The following HDAC9 variants were observed in gnomAD, a reference collection of about 807,000 sequenced individuals.
HDAC9 encodes the protein MEF-2 interacting transcription repressor (MITR) protein.
HDAC9 carries 41 observed loss-of-function variants against 139.4 expected under a neutral mutation model. The observed-to-expected ratio is 0.29, with a 90% CI of 0.23 to 0.38. The LOEUF (loss-of-function observed/expected upper bound fraction) is 0.38. HDAC9 is among the 10% of genes least tolerant of loss of function. HDAC9 has a pLI of 1.00. For synonymous variants in HDAC9, 517 were observed against 476.2 expected (o/e 1.09, Z -1.12); for missense variants, 1,147 against 1,297.0 (o/e 0.88, Z 1.78).
intron 22 of HDAC9, among the ~76,000 whole-genome samples, chr7:18,890,887 G>C (rs1231434848): frequency 6.6e-6 from 1 of 152,174 alleles, no homozygotes; most frequent in African/African-American, 2.4e-5. Flanking sequence ...ACAAAGGTAA[G>C]CCCAGAGAGA....
At chr7:18,205,394 G>T (rs1791429352) in intron 2 of HDAC9, among the ~76,000 whole-genome samples, 1 of 151,920 alleles carries the variant, frequency 6.6e-6, no homozygotes, top group Admixed American at 6.6e-5. Flanking sequence ...CTTCTCCTGT[G>T]TTACAAACTG....
At chr7:18,734,807 G>A (rs1339411509) in intron 13 of HDAC9, among the ~76,000 whole-genome samples, 3 of 152,110 alleles carry the variant, frequency 2.0e-5, no homozygotes, top group Admixed American at 6.5e-5. Context: ...TTGAGGAATC[G>A]CCACACTGTG....
chr7:18,938,376 A>T (rs1219137460), intron 23 of HDAC9, among the ~76,000 whole-genome samples: 1 of 152,052 alleles, frequency 6.6e-6, no homozygotes, highest in Non-Finnish European at 1.5e-5. Context: ...CGGGTGGATC[A>T]CGAGGTCATG....
chr7:18,855,004 A>G (rs1797571331), intron 21 of HDAC9, among the ~76,000 whole-genome samples: 1 of 152,150 alleles, frequency 6.6e-6, no homozygotes, highest in Admixed American at 6.6e-5. Context: ...TGCTTTCATA[A>G]TATAATGGGA....
Position 18,227,228 on chromosome 7 carries a change from G to A in HDAC9, c.25+64879G>A, listed in dbSNP as rs114423467. On this transcript the variant is annotated intron_variant, in intron 2 of 12. Coordinates refer to the HDAC9 transcript ENST00000417496. Reference sequence around the variant, plus strand: ...CTTCTCCCATTTTGATAGAGACTTTGTAATCCTTCTGAGTATTTTCTTTAG... The same window carrying A: ...CTTCTCCCATTTTGATAGAGACTTTATAATCCTTCTGAGTATTTTCTTTAG... Among the ~76,000 whole-genome samples, 964 of 152,206 alleles carry A rather than the reference G, an allele frequency of 6.3e-3. 14 individuals are homozygous for A. The highest frequency in any genetic ancestry group is 0.022 in the African/African-American group (926 of 41,528).
chr7:18,680,980 G>A (rs1025948921), intron 12 of HDAC9, among the ~76,000 whole-genome samples: 5 of 152,120 alleles, frequency 3.3e-5, no homozygotes, highest in African/African-American at 1.2e-4. Flanking sequence ...TTGAGTAGAT[G>A]AAGAAGAGCT....
chr7:18,936,023 C>G, intron 23 of HDAC9, 81 bp downstream of exon 23: 1 of 1,367,104 alleles, frequency 7.3e-7, no homozygotes, highest in East Asian at 2.3e-5. Flanking sequence ...AAAAAAAATT[C>G]TGCATACTCA....
chr7:18,272,534 A>T (rs896798208), intron 2 of HDAC9, among the ~76,000 whole-genome samples: 1 of 152,204 alleles, frequency 6.6e-6, no homozygotes, highest in Non-Finnish European at 1.5e-5. Context: ...ATATTTCCAC[A>T]GTTACAAAAT....
intron 6 of HDAC9, among the ~76,000 whole-genome samples, chr7:18,607,168 T>C (rs142716220): frequency 2.6e-3 from 400 of 152,344 alleles, no homozygotes; most frequent in Non-Finnish European, 4.8e-3. Context: ...GTTTCATTGA[T>C]TGCATATGCA....
Position 18,199,608 on chromosome 7 carries a change from C to G in HDAC9, c.25+37259C>G, listed in dbSNP as rs79059487. Among the ~76,000 whole-genome samples the G allele has an allele frequency of 7.1e-4, 108 of 151,814 alleles. 2 individuals are homozygous for G. In the East Asian group the frequency reaches 0.02, roughly 28 times the overall value. On this transcript the variant is annotated intron_variant, in intron 2 of 12. Coordinates refer to the HDAC9 transcript ENST00000417496. ...TGCGACCAGCCTGGGCAACATAGTG[C>G]GACCTGTCTTTACAAGACATAAAAA...
chr7:18,401,084 C>G (rs1276373907), intron 1 of HDAC9, among the ~76,000 whole-genome samples: 1 of 152,088 alleles, frequency 6.6e-6, no homozygotes, highest in Non-Finnish European at 1.5e-5. Context: ...TTTTGTTCAG[C>G]TTTCATTACT....
chr7:18,537,331 G>T (rs1023199376), intron 2 of HDAC9, among the ~76,000 whole-genome samples: 2 of 152,106 alleles, frequency 1.3e-5, no homozygotes, highest in African/African-American at 4.8e-5. Flanking sequence ...GGATAGAGGA[G>T]AAAAGGTTTG....
rs191095435 is a variant in HDAC9, at chr7:18,694,892, G to A, written c.1731+28416G>A. ...GAAAAGTATTAATAAAAGAAAATGT[G>A]TTGGATATTTCCTCCCTCCTACTCC... On this transcript the variant is annotated intron_variant, in intron 12 of 25. Transcript: ENST00000686413. Among the ~76,000 whole-genome samples, 181 of 152,260 alleles carry A rather than the reference G, an allele frequency of 1.2e-3. 1 individual carries two copies. Among genetic ancestry groups the A allele is most frequent in the Admixed American group, 4.4e-3 (68 of 15,284 alleles).
intron 1 of HDAC9, among the ~76,000 whole-genome samples, chr7:18,134,495 C>T (rs114187053): frequency 1.3e-5 from 2 of 152,054 alleles, no homozygotes; most frequent in African/African-American, 2.4e-5. Context: ...GAAATTCTCA[C>T]GCATGACTCT....
chr7:18,416,420 A>G (rs1789071633), intron 1 of HDAC9, among the ~76,000 whole-genome samples: 1 of 152,086 alleles, frequency 6.6e-6, no homozygotes, highest in Non-Finnish European at 1.5e-5. Flanking sequence ...GTAATACCTC[A>G]TTGGGGTTAG....
chr7:18,666,872 C>T, intron 12 of HDAC9: 4 of 1,014,648 alleles, frequency 3.9e-6, no homozygotes, highest in Non-Finnish European at 4.7e-6. Context: ...GGATAGTCTC[C>T]CAGTCTGATC....
chr7:18,692,310 C>G (rs1782727618), intron 12 of HDAC9, among the ~76,000 whole-genome samples: 1 of 152,138 alleles, frequency 6.6e-6, no homozygotes, highest in Non-Finnish European at 1.5e-5. Flanking sequence ...ACCCGGAGTA[C>G]TTTAGCAAAC....
At chr7:18,736,770 C>T (rs1025532258) in intron 13 of HDAC9, among the ~76,000 whole-genome samples, 1 of 152,134 alleles carries the variant, frequency 6.6e-6, no homozygotes, top group African/African-American at 2.4e-5. Flanking sequence ...CGGAGAATTC[C>T]CTCTTTTTCT....
At position 18,201,316 on chromosome 7, in the gene HDAC9, A is replaced by T. The variant is rs559993515; in HGVS notation, c.25+38967A>T. 9.3e-4 allele frequency among the ~76,000 whole-genome samples: 142 copies of T among 152,356 alleles called. 1 individual carries two copies. The highest frequency in any genetic ancestry group is 3.3e-3 in the African/African-American group (139 of 41,594). On this transcript the variant is annotated intron_variant, in intron 2 of 12. Coordinates refer to the HDAC9 transcript ENST00000417496. The stretch of plus-strand genomic sequence containing the variant: ...TTGTTAGGATTCTAGGGTGTTATTT[A>T]TGATACCATTCTCTTTGTGTTCTGA...
Sources: gnomAD v4.1 joint callset for allele counts (sites outside exome capture counted in the v4.1 genomes callset) on GRCh38, gnomAD v4.1.1 for gene constraint, MANE v1.5 for transcripts, NCBI Gene and HGNC (gene_info 2026-07-23, HGNC 2026-07-21) for gene names.